CADPS2: variants seen among roughly 807,000 people sequenced by gnomAD.
CADPS2 encodes calcium-dependent secretion activator 2.
Under a neutral mutation model 172.5 loss-of-function variants are expected in CADPS2, and 93 were observed. That is an observed-to-expected ratio of 0.54 (90% confidence interval 0.46 to 0.64). CADPS2 has a LOEUF of 0.64. Among genes scored for constraint, CADPS2 ranks in the 30% least tolerant of loss-of-function variants. The pLI is 0.00. For missense variants in CADPS2, 1,420 were observed against 1,565.9 expected, an observed-to-expected ratio of 0.91 and a Z score of 1.57; for synonymous variants, 546 against 555.2, an observed-to-expected ratio of 0.98 and a Z score of 0.23.
At chr7:122,823,268 T>G (rs1803914241) in intron 1 of CADPS2, among the ~76,000 whole-genome samples, 1 of 152,222 alleles carries the variant, frequency 6.6e-6, no homozygotes, top group South Asian at 2.1e-4. Flanking sequence ...ACAATGCCAT[T>G]CTATTTTAGG....
chr7:122,486,225 C>T (rs2057799219), intron 11 of CADPS2, among the ~76,000 whole-genome samples: 1 of 152,092 alleles, frequency 6.6e-6, no homozygotes, highest in Non-Finnish European at 1.5e-5. Flanking sequence ...GCTATAGCTG[C>T]CATACATAGT....
intron 3 of CADPS2, among the ~76,000 whole-genome samples, chr7:122,656,096 A>T (rs917299194): frequency 3.3e-5 from 5 of 152,178 alleles, no homozygotes; most frequent in African/African-American, 9.7e-5. Flanking sequence ...AGTGGTAGGA[A>T]TATTTACTTG....
At position 122,362,754 on chromosome 7, in the gene CADPS2, T is replaced by C. The variant is rs527566793; in HGVS notation, c.3388-1741A>G. Among the ~76,000 whole-genome samples the C allele has an allele frequency of 4.6e-5, 7 of 152,332 alleles. No homozygotes were observed. In the East Asian group the frequency reaches 9.6e-4, roughly 21 times the overall value. On this transcript the variant is annotated intron_variant, in intron 25 of 29. Coordinates refer to ENST00000449022, the MANE Select transcript of CADPS2 (RefSeq NM_017954.11). The stretch of plus-strand genomic sequence containing the variant: ...AGCAGCTTCTTCAACAAAGTGATAA[T>C]AGTTCTAGGGACACAGCTTATTGGT...
At chr7:122,666,056 G>GC (rs564537683) in intron 2 of CADPS2, among the ~76,000 whole-genome samples, 40 of 152,242 alleles carry the variant, frequency 2.6e-4, no homozygotes, top group African/African-American at 9.1e-4. Context: ...CACTCATTGA[G>GC]CAGTGACATT....
Position 122,681,304 on chromosome 7 carries a change from G to A in CADPS2, c.454-17735C>T, listed in dbSNP as rs557866192. ...AATAAAAGAAAGAGCTCTCCGGTCC[G>A]TGCCTCCAAGATGACAAAGAAAAGA... On this transcript the variant is annotated intron_variant, in intron 2 of 29. Coordinates refer to ENST00000449022, the MANE Select transcript of CADPS2 (RefSeq NM_017954.11). The A allele has an allele frequency of 3.5e-5, 37 of 1,067,796 alleles. No individual in the cohort carries two copies. In the Middle Eastern group the frequency reaches 1.8e-3, roughly 52 times the overall value. The allele number at this position is 1,067,796 out of a possible 1,614,324, so 66.1% of individuals were successfully genotyped here.
At chr7:122,572,738 T>C (rs1291058881) in intron 7 of CADPS2, among the ~76,000 whole-genome samples, 2 of 152,122 alleles carry the variant, frequency 1.3e-5, no homozygotes, top group Non-Finnish European at 2.9e-5. Context: ...CAGGACAAAA[T>C]TATCTTCATT....
intron 11 of CADPS2, among the ~76,000 whole-genome samples, chr7:122,487,986 A>G (rs2057987943): frequency 6.6e-6 from 1 of 152,230 alleles, no homozygotes; most frequent in Admixed American, 6.5e-5. Context: ...ATTGACGCTA[A>G]ATGCACACAT....
intron 1 of CADPS2, among the ~76,000 whole-genome samples, chr7:122,759,984 T>TTATATA (rs374466187): frequency 6.7e-6 from 1 of 148,454 alleles, no homozygotes; most frequent in African/African-American, 2.5e-5. Flanking sequence ...TAGGTGTATT[T>TTATATA]TATATATATA....
Position 122,698,551 on chromosome 7 carries a change from C to A in CADPS2, c.454-34982G>T, listed in dbSNP as rs1250711845. On this transcript the variant is annotated intron_variant, in intron 2 of 29. Coordinates refer to ENST00000449022, the MANE Select transcript of CADPS2 (RefSeq NM_017954.11). ...GTTATAGATGATCACTCCACTGGCT[C>A]CCTTCTCAGTTGCCACTTTAATTTT... 5.0e-6 allele frequency: 8 copies of A among 1,614,052 alleles called. No homozygotes were observed. The South Asian group carries it at 8.8e-5, about 18-fold the overall frequency.
At chr7:122,481,266 C>T (rs1021040729) in intron 11 of CADPS2, among the ~76,000 whole-genome samples, 3 of 150,304 alleles carry the variant, frequency 2.0e-5, no homozygotes, top group Non-Finnish European at 4.4e-5. Flanking sequence ...CCCAGGTTCA[C>T]GTCAGCAGAG....
intron 1 of CADPS2, among the ~76,000 whole-genome samples, chr7:122,877,870 T>G (rs1821632283): frequency 6.6e-6 from 1 of 152,196 alleles, no homozygotes; most frequent in African/African-American, 2.4e-5. Context: ...ATCAACATTT[T>G]ACTGAAGGAG....
chr7:122,704,571 T>C (rs770656812), intron 2 of CADPS2, among the ~76,000 whole-genome samples: 1 of 152,098 alleles, frequency 6.6e-6, no homozygotes, highest in Non-Finnish European at 1.5e-5. Flanking sequence ...CCTGTAACTA[T>C]ATTTTGCTTC....
intron 2 of CADPS2, among the ~76,000 whole-genome samples, chr7:122,720,649 G>A (rs767202690): frequency 6.6e-6 from 1 of 151,472 alleles, no homozygotes; most frequent in Non-Finnish European, 1.5e-5. Context: ...CACACAGAGC[G>A]AGAGTGAGAG....
intron 2 of CADPS2, among the ~76,000 whole-genome samples, chr7:122,670,520 T>C (rs1273517058): frequency 6.6e-6 from 1 of 151,212 alleles, no homozygotes; most frequent in Non-Finnish European, 1.5e-5. Flanking sequence ...TTTTTTGAGA[T>C]GGAGTCTCAC....
intron 2 of CADPS2, among the ~76,000 whole-genome samples, chr7:122,697,472 A>G (rs1416009368): frequency 6.6e-6 from 1 of 152,156 alleles, no homozygotes; most frequent in Non-Finnish European, 1.5e-5. Flanking sequence ...AGAACCCAAT[A>G]TATGTACAGT....
At chr7:122,414,032 C>T (rs2047608807) in intron 19 of CADPS2, 36 bp downstream of exon 19, 5 of 1,533,734 alleles carry the variant, frequency 3.3e-6, no homozygotes, top group African/African-American at 2.8e-5. Flanking sequence ...AAGAGGTATC[C>T]TATGCTAATA....
intron 17 of CADPS2, chr7:122,436,244 T>G: frequency 2.1e-6 from 1 of 466,508 alleles, no homozygotes; most frequent in Non-Finnish European, 3.5e-6. Context: ...ATTCATCAAG[T>G]TGTGTACATT....
intron 25 of CADPS2, among the ~76,000 whole-genome samples, chr7:122,377,305 G>T (rs772772098): frequency 6.6e-6 from 1 of 152,048 alleles, no homozygotes; most frequent in Non-Finnish European, 1.5e-5. Context: ...AAATTAACCT[G>T]ATGTATTTGA....
intron 14 of CADPS2, among the ~76,000 whole-genome samples, chr7:122,463,324 AT>A (rs11293067): frequency 0.41 from 60,615 of 147,650 alleles, 12,433 homozygotes; most frequent in African/African-American, 0.49. Flanking sequence ...ATATTCTTAG[AT>A]TTTTTTTTTT....
Sources: allele counts gnomAD v4.1 joint callset (sites outside exome capture counted in the v4.1 genomes callset), GRCh38; gene constraint gnomAD v4.1.1; transcripts MANE v1.5; gene names NCBI Gene and HGNC (gene_info 2026-07-23, HGNC 2026-07-21).